The following GRK4 variants were observed in gnomAD, a reference collection of about 807,000 sequenced individuals.
GRK4 encodes the protein G protein-coupled receptor kinase 2-like.
In GRK4, 73 loss-of-function variants were observed where a neutral mutation model predicts 77.9. The observed-to-expected ratio is 0.94, with a 90% confidence interval of 0.78 to 1.14. GRK4 has a LOEUF of 1.14. Ranked by LOEUF, GRK4 falls within the 50% of genes most tolerant of loss-of-function variation. GRK4 has a pLI of 0.00. For synonymous variants in GRK4, 257 were observed against 254.4 expected (o/e 1.01, Z -0.10); for missense variants, 729 against 700.2 (o/e 1.04, Z -0.46).
Position 3,029,304 on chromosome 4 carries a change from AT to A in GRK4, c.1165del (p.Tyr389ThrfsTer55). The A allele has an allele frequency of 6.2e-7, 1 of 1,614,118 alleles. No homozygotes were observed. The highest frequency in any genetic ancestry group is 8.5e-7 in the Non-Finnish European group (1 of 1,179,934). On this transcript the variant is annotated frameshift_variant, in exon 12 of 16. Coordinates refer to ENST00000398052, the MANE Select transcript of GRK4 (RefSeq NM_182982.3). LOFTEE classifies it high-confidence loss of function. ...MIQGHSPFKKYKEKVKWEEVD... is the reference protein window; with the variant it reads ...MIQGHSPFKKXKEKVKWEEVD... ...TTCAGGGACATTCTCCATTCAAAAAATACAAAGAGAAAGTCAAATGGGAGGA... is the reference window on the plus strand; with the variant it reads ...TTCAGGGACATTCTCCATTCAAAAAAACAAAGAGAAAGTCAAATGGGAGGA...
Position 3,007,785 on chromosome 4 carries a change from A to G in GRK4, c.493A>G (p.Ser165Gly). Residue 165 changes from serine to glycine, a missense_variant, in exon 6 of 16, where the codon AGC becomes GGC. Physicochemically the swap from Ser to Gly is moderately conservative, Grantham distance 56. Coordinates refer to ENST00000398052, the MANE Select transcript of GRK4 (RefSeq NM_182982.3). ...RGEPFEEYQE[S>G]SYFSQFLQWK... ...GGAACCATTTGAAGAATACCAAGAA[A>G]GCTCATATTTTTCTCAGTTTTTACA... is the stretch of plus-strand genomic sequence containing the variant. The G allele has an allele frequency of 6.2e-7, 1 of 1,612,224 alleles. No homozygotes were observed. Among genetic ancestry groups the G allele is most frequent in the South Asian group, 1.1e-5 (1 of 90,622 alleles).
At chr4:3,010,995 A>G (rs1180160703) in intron 7 of GRK4, among the ~76,000 whole-genome samples, 1 of 152,206 alleles carries the variant, frequency 6.6e-6, no homozygotes, top group African/African-American at 2.4e-5. Context: ...ATCCAATCGT[A>G]TGCTTGCTCT....
chr4:3,037,295 G>A, intron 13 of GRK4, 79 bp from the exon 14 acceptor site: 1 of 1,386,854 alleles, frequency 7.2e-7, no homozygotes, highest in Non-Finnish European at 9.9e-7. Context: ...CAGTTTGCTG[G>A]GCGTTTCATT....
chr4:2,987,816 C>T (rs975093454), intron 2 of GRK4, among the ~76,000 whole-genome samples: 8 of 151,994 alleles, frequency 5.3e-5, no homozygotes, highest in African/African-American at 1.5e-4. Context: ...TGACTCATGC[C>T]GGTAATCTCA....
At position 3,038,492 on chromosome 4, in the gene GRK4, C is replaced by G; in HGVS notation, c.1662C>G (p.Phe554Leu). Residue 554 changes from phenylalanine (F) to leucine (L), a missense_variant, in exon 15 of 16, where the codon TTC becomes TTG. Phe to Leu is a conservative substitution (Grantham distance 22). Coordinates refer to ENST00000398052, the MANE Select transcript of GRK4 (RefSeq NM_182982.3). Reference sequence around the variant, plus strand: ...TTTCCAGACCAAACAGAGGCTTCTTCTATAGACTCTTCAGAAGAGGGGTAA... The same window carrying G: ...TTTCCAGACCAAACAGAGGCTTCTTGTATAGACTCTTCAGAAGAGGGGTAA... ...TPVSRPNRGF[F>L]YRLFRRGGCL... 6.2e-7 allele frequency: 1 copy of G among 1,613,272 alleles called. No individual in the cohort carries two copies. The highest frequency in any genetic ancestry group is 8.5e-7 in the Non-Finnish European group (1 of 1,179,862).
intron 2 of GRK4, 35 bp from the exon 3 acceptor site, chr4:2,988,692 T>G (rs748630336): frequency 8.9e-7 from 1 of 1,127,064 alleles, no homozygotes; most frequent in African/African-American, 1.5e-5. Context: ...GTAATGATTC[T>G]ATTTGTTTGC....
chr4:3,003,834 T>C (rs1373023934), intron 4 of GRK4, among the ~76,000 whole-genome samples: 1 of 152,132 alleles, frequency 6.6e-6, no homozygotes, highest in Non-Finnish European at 1.5e-5. Context: ...CCTCCCAGGT[T>C]CAAGTGATTC....
At chr4:3,028,372 G>A (rs780222977) in intron 11 of GRK4, among the ~76,000 whole-genome samples, 53 of 152,230 alleles carry the variant, frequency 3.5e-4, no homozygotes, top group Non-Finnish European at 6.6e-4. Context: ...AGATCCGGGG[G>A]CAGTGCCAGC....
At position 2,963,805 on chromosome 4, in the gene GRK4, C is replaced by T; in HGVS notation, c.-266C>T. The stretch of plus-strand genomic sequence containing the variant: ...AAGAACCGGGGCGATAGCGCGGCAG[C>T]GGTGACAGCTGGGACCCGCCGCGGT... On this transcript the variant is annotated 5_prime_UTR_variant, in exon 1 of 16. Transcript: ENST00000398052. 1 of 528,932 alleles carries T rather than the reference C, an allele frequency of 1.9e-6. No individual in the cohort carries two copies. The highest frequency in any genetic ancestry group is 3.3e-6 in the Non-Finnish European group (1 of 302,288). 32.8% of individuals were successfully genotyped at this position (528,932 alleles called of 1,614,324 possible). A position where few individuals can be genotyped will look rare whatever the true frequency, so the allele number is the denominator to read the frequency against.
At chr4:3,013,298 T>A (rs577857985) in intron 7 of GRK4, among the ~76,000 whole-genome samples, 3 of 152,102 alleles carry the variant, frequency 2.0e-5, no homozygotes, top group Non-Finnish European at 2.9e-5. Context: ...GTGATCTGCC[T>A]GCCTTGGCCT....
chr4:2,986,596 C>T lies in GRK4; in HGVS notation c.148+1988C>T, dbSNP rs1452111737. Reference sequence around the variant, plus strand: ...GTCTCAATTTCTTGCCCTTGTGATCCGCCCACCTCAGCCTCCCAAAGTGCT... The same window carrying T: ...GTCTCAATTTCTTGCCCTTGTGATCTGCCCACCTCAGCCTCCCAAAGTGCT... On this transcript the variant is annotated intron_variant, in intron 2 of 15. Coordinates refer to ENST00000398052, the MANE Select transcript of GRK4 (RefSeq NM_182982.3). Among the ~76,000 whole-genome samples the T allele has an allele frequency of 2.6e-5, 4 of 151,876 alleles. No homozygotes were observed. The East Asian group carries it at 7.7e-4, about 29-fold the overall frequency.
intron 1 of GRK4, among the ~76,000 whole-genome samples, chr4:2,978,841 C>G (rs1158928897): frequency 6.6e-6 from 1 of 152,128 alleles, no homozygotes; most frequent in South Asian, 2.1e-4. Context: ...GCCTGTAATC[C>G]CAGCACTTTG....
At chr4:2,988,346 G>T (rs1267385910) in intron 2 of GRK4, among the ~76,000 whole-genome samples, 1 of 151,930 alleles carries the variant, frequency 6.6e-6, no homozygotes, top group East Asian at 1.9e-4. Flanking sequence ...TGTGCTTATG[G>T]GTCATTTGTA....
In GRK4 at chr4:3,007,755, A is replaced by C. The variant is rs745785507; in HGVS notation, c.463A>C (p.Arg155=). The C allele has an allele frequency of 1.9e-6, 3 of 1,606,412 alleles. No homozygotes were observed. The highest frequency in any genetic ancestry group is 4.5e-5 in the East Asian group (2 of 44,766). The change falls in exon 6 of 16, where the codon AGA becomes CGA. Residue 155 remains arginine (R), a synonymous_variant. Transcript: ENST00000398052. ...ECTRVAHNYL[R]GEPFEEYQES... ...TTCTAGAGTTGCCCATAACTACCTA[A>C]GAGGGGAACCATTTGAAGAATACCA...
At chr4:3,037,001 C>A (rs556104460) in intron 13 of GRK4, among the ~76,000 whole-genome samples, 1 of 151,726 alleles carries the variant, frequency 6.6e-6, no homozygotes, top group East Asian at 1.9e-4. Flanking sequence ...TGTTTGCAAT[C>A]CATTTTGCAC....
chr4:3,037,400 C>T lies in GRK4; in HGVS notation c.1434C>T (p.Val478=). 1 of 1,607,664 alleles carries T rather than the reference C, an allele frequency of 6.2e-7. No homozygotes were observed. Among genetic ancestry groups the T allele is most frequent in the Non-Finnish European group, 8.5e-7 (1 of 1,174,886 alleles). Reference sequence around the variant, plus strand: ...CTCATGCCGTTTACTGTAAGGACGTCCTGGATATCGAGCAGTTCTCGGTGG... The same window carrying T: ...CTCATGCCGTTTACTGTAAGGACGTTCTGGATATCGAGCAGTTCTCGGTGG... ...PDPHAVYCKD[V]LDIEQFSVVK... is the part of the protein sequence containing the mutation. Residue 478 remains valine (V), a synonymous_variant, in exon 14 of 16, where the codon GTC becomes GTT. Transcript: ENST00000398052.
intron 12 of GRK4, among the ~76,000 whole-genome samples, chr4:3,031,391 A>C (rs1220513408): frequency 1.3e-5 from 2 of 152,216 alleles, no homozygotes; most frequent in African/African-American, 4.8e-5. Context: ...TCAAGAGCCC[A>C]TGCGGACCTG....
At chr4:2,970,056 A>G (rs1719029822) in intron 1 of GRK4, among the ~76,000 whole-genome samples, 1 of 152,182 alleles carries the variant, frequency 6.6e-6, no homozygotes, top group Non-Finnish European at 1.5e-5. Flanking sequence ...TATCTGTCAG[A>G]TATTTGAAGT....
intron 5 of GRK4, among the ~76,000 whole-genome samples, chr4:3,005,671 G>A (rs1370019059): frequency 3.3e-5 from 5 of 152,226 alleles, no homozygotes; most frequent in Admixed American, 2.6e-4. Context: ...AGGCCTGGGG[G>A]TGTGCGCCTG....
Sources: allele counts gnomAD v4.1 joint callset (sites outside exome capture counted in the v4.1 genomes callset), GRCh38; gene constraint gnomAD v4.1.1; transcripts MANE v1.5; gene names NCBI Gene and HGNC (gene_info 2026-07-23, HGNC 2026-07-21).